ERBB4: variants seen among roughly 807,000 people sequenced by gnomAD.
The protein encoded by ERBB4 is receptor tyrosine-protein kinase erbB-4.
A neutral mutation model predicts 158.0 loss-of-function variants in ERBB4; 42 were observed. The ratio of observed to expected loss-of-function variants is 0.27; its 90% confidence interval spans 0.21 to 0.34. The LOEUF (loss-of-function observed/expected upper bound fraction) is 0.34, where lower values mean the gene tolerates loss of function less well. ERBB4 is among the 10% of genes least tolerant of loss of function. ERBB4 has a pLI of 1.00. For missense variants in ERBB4, 1,333 were observed against 1,624.1 expected (o/e 0.82, Z 3.08); for synonymous variants, 583 against 558.7 (o/e 1.04, Z -0.61).
rs766510235 is a variant in ERBB4 at position 211,481,493 on chromosome 2, CA to C, written c.2488-50394del. Among the ~76,000 whole-genome samples the C allele has an allele frequency of 2.8e-4, 42 of 151,652 alleles. 1 individual carries two copies. The highest frequency in any genetic ancestry group is 1.2e-4 in the Non-Finnish European group (8 of 67,940). On this transcript the variant is annotated intron_variant, in intron 20 of 27. Coordinates refer to ENST00000342788, the MANE Select transcript of ERBB4 (RefSeq NM_005235.3). The stretch of plus-strand genomic sequence containing the variant: ...AAGTTCAGGGAGCTGAAGAATTTGC[CA>C]CTCATAAGGTAACACACCAGGGCTG...
chr2:211,414,098 C>T (rs1351030459), intron 25 of ERBB4, among the ~76,000 whole-genome samples: 1 of 152,154 alleles, frequency 6.6e-6, no homozygotes, highest in Non-Finnish European at 1.5e-5. Context: ...GTTGGAGACT[C>T]TCTGGGGACC....
rs62186290 is a variant in ERBB4 at position 212,454,598 on chromosome 2, A to G, written c.82+83851T>C. 8.3e-3 allele frequency among the ~76,000 whole-genome samples: 1,262 copies of G among 152,372 alleles called. 8 individuals carry two copies. Among genetic ancestry groups the G allele is most frequent in the Non-Finnish European group, 8.8e-3 (602 of 68,034 alleles). Reference sequence around the variant, plus strand: ...AATAATATTTTATCTGTTCTAAAATAGCTTAATGATTCCCATAAGTCTATT... The same window carrying G: ...AATAATATTTTATCTGTTCTAAAATGGCTTAATGATTCCCATAAGTCTATT... On this transcript the variant is annotated intron_variant, in intron 1 of 27. Transcript: ENST00000342788.
chr2:212,248,701 AT>A (rs1293865439), intron 1 of ERBB4, among the ~76,000 whole-genome samples: 1 of 152,128 alleles, frequency 6.6e-6, no homozygotes, highest in Non-Finnish European at 1.5e-5. Flanking sequence ...GGTACTCAGC[AT>A]TGTCATCAAA....
At chr2:211,466,225 C>A (rs896008259) in intron 20 of ERBB4, among the ~76,000 whole-genome samples, 2 of 151,602 alleles carry the variant, frequency 1.3e-5, no homozygotes, top group Non-Finnish European at 2.9e-5. Flanking sequence ...TGTTGTTTAG[C>A]GTAATAGCCT....
chr2:211,410,714 T>C (rs1261091912), intron 25 of ERBB4, among the ~76,000 whole-genome samples: 1 of 152,022 alleles, frequency 6.6e-6, no homozygotes. Context: ...ATTGAGAAAA[T>C]AGTTCAATTT....
Position 212,000,421 on chromosome 2 carries a change from T to G in ERBB4, c.235-52805A>C, listed in dbSNP as rs372599485. Among the ~76,000 whole-genome samples, 9 of 152,022 alleles carry G rather than the reference T, an allele frequency of 5.9e-5. No homozygotes were observed. In the East Asian group the frequency reaches 1.5e-3, roughly 26 times the overall value. ...TACTTCAGCAGATTTCTTATACTGA[T>G]AGTTAAGAAAACTGGTTTGGTGGTG... On this transcript the variant is annotated intron_variant, in intron 2 of 27. Coordinates refer to ENST00000342788, the MANE Select transcript of ERBB4 (RefSeq NM_005235.3).
chr2:212,440,247 G>GATCCACTCTT (rs2092224935), intron 1 of ERBB4, among the ~76,000 whole-genome samples: 1 of 152,214 alleles, frequency 6.6e-6, no homozygotes, highest in African/African-American at 2.4e-5. Context: ...GGGGAAGGCA[G>GATCCACTCTT]ATCCACTCTT....
intron 5 of ERBB4, 86 bp from the exon 6 acceptor site, chr2:211,725,280 C>T: frequency 1.0e-6 from 1 of 1,001,198 alleles, no homozygotes; most frequent in Admixed American, 1.7e-5. Flanking sequence ...AATTTCTCAC[C>T]CTGTCTTTGA....
intron 1 of ERBB4, among the ~76,000 whole-genome samples, chr2:212,494,739 C>T (rs1276994433): frequency 2.0e-5 from 3 of 152,024 alleles, no homozygotes; most frequent in South Asian, 4.2e-4. Context: ...GCCTGTATTT[C>T]TTTTCTAGTT....
chr2:211,444,184 T>C (rs1045396333), intron 20 of ERBB4, among the ~76,000 whole-genome samples: 1 of 151,688 alleles, frequency 6.6e-6, no homozygotes, highest in Admixed American at 6.6e-5. Context: ...GATAATAGGG[T>C]AGAAAATAGA....
intron 1 of ERBB4, among the ~76,000 whole-genome samples, chr2:212,359,113 T>A (rs1214034519): frequency 6.6e-6 from 1 of 151,700 alleles, no homozygotes; most frequent in African/African-American, 2.4e-5. Context: ...GATATTGTTC[T>A]TAAAAATCAT....
At chr2:212,270,079 G>T (rs566619404) in intron 1 of ERBB4, among the ~76,000 whole-genome samples, 33 of 151,846 alleles carry the variant, frequency 2.2e-4, no homozygotes, top group African/African-American at 7.7e-4. Context: ...GCATTTATCA[G>T]ATTTTACCAG....
intron 3 of ERBB4, among the ~76,000 whole-genome samples, chr2:211,908,031 AT>A (rs1401464713): frequency 6.7e-6 from 1 of 148,276 alleles, no homozygotes; most frequent in African/African-American, 2.5e-5. Flanking sequence ...GAGTACCTTT[AT>A]TGGAGCACTG....
At chr2:211,392,582 ACACACACACACACACACACC>A (rs2062822563) in intron 25 of ERBB4, among the ~76,000 whole-genome samples, 1 of 151,006 alleles carries the variant, frequency 6.6e-6, no homozygotes, top group Non-Finnish European at 1.5e-5. Context: ...ACACACACAC[ACACACACACACACACACACC>A]CCAATAATGA....
chr2:211,419,917 ACTT>A (rs2063479607), intron 25 of ERBB4, among the ~76,000 whole-genome samples: 1 of 152,022 alleles, frequency 6.6e-6, no homozygotes, highest in Non-Finnish European at 1.5e-5. Context: ...ACAAAAATCT[ACTT>A]CTCAGCAGCC....
At chr2:212,170,455 C>T (rs1326759610) in intron 1 of ERBB4, among the ~76,000 whole-genome samples, 1 of 152,134 alleles carries the variant, frequency 6.6e-6, no homozygotes, top group Non-Finnish European at 1.5e-5. Flanking sequence ...AATCCAGCTG[C>T]AGAAATTTGC....
chr2:212,049,779 C>T (rs922758993), intron 2 of ERBB4, among the ~76,000 whole-genome samples: 3 of 152,144 alleles, frequency 2.0e-5, no homozygotes, highest in African/African-American at 7.2e-5. Flanking sequence ...TTCACATAGT[C>T]TTTACTCTCA....
At chr2:212,310,014 G>T (rs1351536478) in intron 1 of ERBB4, among the ~76,000 whole-genome samples, 1 of 150,348 alleles carries the variant, frequency 6.7e-6, no homozygotes, top group Non-Finnish European at 1.5e-5. Context: ...AAATGTTAAG[G>T]TATAATGTAA....
intron 1 of ERBB4, among the ~76,000 whole-genome samples, chr2:212,276,786 C>T (rs573005192): frequency 8.2e-4 from 125 of 151,776 alleles, no homozygotes; most frequent in Non-Finnish European, 1.4e-3. Context: ...GCACTTTAGC[C>T]CTAAATTTGT....
Sources: allele counts gnomAD v4.1 joint callset (sites outside exome capture counted in the v4.1 genomes callset), GRCh38; gene constraint gnomAD v4.1.1; transcripts MANE v1.5; gene names NCBI Gene and HGNC (gene_info 2026-07-23, HGNC 2026-07-21).